NECTIN2: variants seen among roughly 807,000 people sequenced by gnomAD.
NECTIN2 encodes the protein nectin cell adhesion molecule 2, also known as nectin-2.
In NECTIN2, 23 loss-of-function variants were observed where a neutral mutation model predicts 56.9. The observed-to-expected ratio is 0.40, with a 90% CI of 0.29 to 0.57. NECTIN2 has a LOEUF of 0.57. Ranked by LOEUF, NECTIN2 falls within the 20% of genes least tolerant of loss-of-function variation. NECTIN2 has a pLI of 0.38. For synonymous variants in NECTIN2, 302 were observed against 313.8 expected (o/e 0.96, Z 0.40); for missense variants, 587 against 718.3 (o/e 0.82, Z 2.09).
Position 44,873,967 on chromosome 19 carries a change from G to T in NECTIN2, c.827G>T (p.Arg276Leu). The T allele has an allele frequency of 6.2e-7, 1 of 1,614,050 alleles. No homozygotes were observed. Among genetic ancestry groups the T allele is most frequent in the Non-Finnish European group, 8.5e-7 (1 of 1,180,008 alleles). ...SGYDDNWYLG[R>L]TDATLSCDVR... ...TATGATGACAACTGGTACCTCGGCC[G>T]TACTGATGCCACCCTGAGCTGTGAC... Residue 276 changes from arginine to leucine, a missense_variant, in exon 4 of 9, where the codon CGT becomes CTT. Physicochemically the swap from Arg to Leu is moderately radical, Grantham distance 102. Coordinates refer to ENST00000252483, the MANE Select transcript of NECTIN2 (RefSeq NM_001042724.2).
chr19:44,888,466 G>C lies in NECTIN2; in HGVS notation c.*87G>C. 1 of 1,425,084 alleles carries C rather than the reference G, an allele frequency of 7.0e-7. No individual in the cohort carries two copies. Among genetic ancestry groups the C allele is most frequent in the Middle Eastern group, 2.1e-4 (1 of 4,702 alleles). 88.3% of individuals were successfully genotyped at this position (1,425,084 alleles called of 1,614,324 possible). A position where few individuals can be genotyped will look rare whatever the true frequency, so the allele number is the denominator to read the frequency against. Reference sequence around the variant, plus strand: ...TCTAGTGCCCCCTGACCTCTGGCCAGGCCACTGTCAGTTAACACATATGCA... The same window carrying C: ...TCTAGTGCCCCCTGACCTCTGGCCACGCCACTGTCAGTTAACACATATGCA... On this transcript the variant is annotated 3_prime_UTR_variant, in exon 9 of 9. Coordinates refer to ENST00000252483, the MANE Select transcript of NECTIN2 (RefSeq NM_001042724.2).
chr19:44,857,750 C>T (rs1223265010), intron 1 of NECTIN2, among the ~76,000 whole-genome samples: 2 of 142,136 alleles, frequency 1.4e-5, no homozygotes, highest in African/African-American at 5.3e-5. Flanking sequence ...ACTATATTGT[C>T]CAGGCTGGTC....
intron 1 of NECTIN2, among the ~76,000 whole-genome samples, chr19:44,847,763 G>T (rs1043905476): frequency 4.6e-5 from 7 of 152,270 alleles, no homozygotes; most frequent in African/African-American, 1.7e-4. Context: ...CGGACTCCCC[G>T]GTTTCGGGAC....
chr19:44,875,840 A>T lies in NECTIN2; in HGVS notation c.1042+1362A>T, dbSNP rs1568596902. Among the ~76,000 whole-genome samples, 1 of 152,196 alleles carries T rather than the reference A, an allele frequency of 6.6e-6. No homozygotes were observed. The highest frequency in any genetic ancestry group is 1.5e-5 in the Non-Finnish European group (1 of 68,036). ...ATCCAGATACAGCCAGGGAGATAGGACACCCCTACGGGAAACACTGTCACA... is the reference window on the plus strand; with the variant it reads ...ATCCAGATACAGCCAGGGAGATAGGTCACCCCTACGGGAAACACTGTCACA... On this transcript the variant is annotated intron_variant, in intron 5 of 8. Transcript: ENST00000252483. The surrounding 1 kb of genome is among the most constrained non-coding windows in gnomAD (Gnocchi z 4.2).
intron 1 of NECTIN2, among the ~76,000 whole-genome samples, chr19:44,862,785 C>T (rs1224471807): frequency 6.6e-6 from 1 of 152,068 alleles, no homozygotes; most frequent in East Asian, 1.9e-4. Flanking sequence ...GAGGCCGACA[C>T]GGGTGGATCA....
rs975142847 is a variant in NECTIN2, at chr19:44,874,765, G to A, written c.1042+287G>A. 1.1e-5 allele frequency: 4 copies of A among 360,052 alleles called. No homozygotes were observed. The highest frequency in any genetic ancestry group is 1.1e-4 in the South Asian group (3 of 27,628). The allele number at this position is 360,052 out of a possible 1,614,324, so 22.3% of individuals were successfully genotyped here. A position where few individuals can be genotyped will look rare whatever the true frequency, so the allele number is the denominator to read the frequency against. ...GGGTAGGGTCCTCACGAATAGACCC[G>A]AGGAAGCTGCCCTGGGCTCCAGCTC... On this transcript the variant is annotated intron_variant, in intron 5 of 8. Transcript: ENST00000252483. The surrounding 1 kb of genome is among the most constrained non-coding windows in gnomAD (Gnocchi z 6.3).
At position 44,846,382 on chromosome 19, in the gene NECTIN2, G is replaced by A. The variant is rs1968833448; in HGVS notation, c.-144G>A. 8.3e-6 allele frequency: 9 copies of A among 1,085,936 alleles called. No individual in the cohort carries two copies. The highest frequency in any genetic ancestry group is 4.0e-5 in the Admixed American group (1 of 25,030). The allele number at this position is 1,085,936 out of a possible 1,614,324, so 67.3% of individuals were successfully genotyped here. A position where few individuals can be genotyped will look rare whatever the true frequency, so the allele number is the denominator to read the frequency against. On this transcript the variant is annotated 5_prime_UTR_variant, in exon 1 of 9. Transcript: ENST00000252483. ...CGGGGAGAGCTGGGCCGGGAGAGCAGAACAGGGAGGCTAGAGCGCAGCGGG... is the reference window on the plus strand; with the variant it reads ...CGGGGAGAGCTGGGCCGGGAGAGCAAAACAGGGAGGCTAGAGCGCAGCGGG...
chr19:44,885,475 C>T (rs1969351053), intron 6 of NECTIN2, among the ~76,000 whole-genome samples: 1 of 151,758 alleles, frequency 6.6e-6, no homozygotes, highest in Admixed American at 6.6e-5. Context: ...TCATGCCCAG[C>T]TAATTTTTGT....
At chr19:44,866,322 T>C (rs1277964271) in intron 2 of NECTIN2, among the ~76,000 whole-genome samples, 1 of 151,932 alleles carries the variant, frequency 6.6e-6, no homozygotes, top group Non-Finnish European at 1.5e-5. Flanking sequence ...GGAGGATCGC[T>C]TGAGACCAGG....
intron 1 of NECTIN2, among the ~76,000 whole-genome samples, chr19:44,846,904 C>T (rs1414310429): frequency 6.6e-6 from 1 of 151,884 alleles, no homozygotes; most frequent in Non-Finnish European, 1.5e-5. Flanking sequence ...CGGATTCCCG[C>T]GCCGAAAGGG....
At chr19:44,867,556 T>C (rs529526601) in intron 2 of NECTIN2, among the ~76,000 whole-genome samples, 16 of 152,154 alleles carry the variant, frequency 1.1e-4, no homozygotes, top group African/African-American at 3.9e-4. Flanking sequence ...AGTGGCCTCA[T>C]TGAGATAGGA....
Position 44,846,461 on chromosome 19 carries a change from C to A in NECTIN2, c.-65C>A. ...CACAGGCACCTACTAAACCGCCCAGCCGATCGGCCCCCACAGAGTGGCCCG... is the reference window on the plus strand; with the variant it reads ...CACAGGCACCTACTAAACCGCCCAGACGATCGGCCCCCACAGAGTGGCCCG... On this transcript the variant is annotated 5_prime_UTR_variant, in exon 1 of 9. Transcript: ENST00000252483. 7.2e-7 allele frequency: 1 copy of A among 1,396,126 alleles called. No individual in the cohort carries two copies. Among genetic ancestry groups the A allele is most frequent in the Admixed American group, 3.4e-5 (1 of 29,494 alleles). The allele number at this position is 1,396,126 out of a possible 1,614,324, so 86.5% of individuals were successfully genotyped here. A position where few individuals can be genotyped will look rare whatever the true frequency, so the allele number is the denominator to read the frequency against.
chr19:44,856,584 C>A (rs542697080), intron 1 of NECTIN2, among the ~76,000 whole-genome samples: 1 of 152,188 alleles, frequency 6.6e-6, no homozygotes, highest in African/African-American at 2.4e-5. Flanking sequence ...CTTTCCTTGA[C>A]CCTCATTGAG....
In NECTIN2 at chr19:44,874,390, A is replaced by G. The variant is rs1969212601; in HGVS notation, c.954A>G (p.Ala318=). ...VAQGSQLVIH[A]VDSLFNTTFV... Reference sequence around the variant, plus strand: ...AGGGCTCCCAGCTGGTCATCCACGCAGTGGACAGTCTGTTCAATACCACCT... The same window carrying G: ...AGGGCTCCCAGCTGGTCATCCACGCGGTGGACAGTCTGTTCAATACCACCT... Residue 318 remains alanine, a synonymous_variant, in exon 5 of 9, where the codon GCA becomes GCG. Transcript: ENST00000252483. The surrounding 1 kb of genome is among the most constrained non-coding windows in gnomAD (Gnocchi z 6.3). The G allele has an allele frequency of 6.2e-7, 1 of 1,614,092 alleles. No homozygotes were observed. The highest frequency in any genetic ancestry group is 8.5e-7 in the Non-Finnish European group (1 of 1,179,970).
intron 8 of NECTIN2, 113 bp downstream of exon 8, chr19:44,886,332 T>A: frequency 1.2e-6 from 1 of 829,692 alleles, no homozygotes; most frequent in Non-Finnish European, 1.9e-6. Context: ...GTCAAGGGTG[T>A]GTCCCCGGTT....
chr19:44,881,959 C>A, intron 5 of NECTIN2: 1 of 345,604 alleles, frequency 2.9e-6, no homozygotes. Flanking sequence ...TGTTGTTCTC[C>A]CTGCCCAACC....
chr19:44,865,637 G>T lies in NECTIN2; in HGVS notation c.455G>T (p.Gly152Val), dbSNP rs1969092260. The T allele has an allele frequency of 1.3e-6, 2 of 1,533,682 alleles. No individual in the cohort carries two copies. Among genetic ancestry groups the T allele is most frequent in the Non-Finnish European group, 1.7e-6 (2 of 1,144,302 alleles). ...ACCTTCCCCAAGGGGTCCGTCCGAG[G>T]GATGACCTGGCTCAGAGTCATAGGT... ...FATFPKGSVRGMTWLRVIAKP... is the reference protein window; with the variant it reads ...FATFPKGSVRVMTWLRVIAKP... The change falls in exon 2 of 9, where the codon GGG (glycine) becomes GTG (valine). Residue 152 changes from glycine to valine, a missense_variant. By Grantham distance (109) the Gly-to-Val change is moderately radical (BLOSUM62 -3). Coordinates refer to ENST00000252483, the MANE Select transcript of NECTIN2 (RefSeq NM_001042724.2). This position sits in a 1 kb window ranked among gnomAD's most constrained non-coding sequence, Gnocchi z 5.2.
In NECTIN2 at chr19:44,861,282, G is replaced by A. The variant is rs115249665; in HGVS notation, c.89-3989G>A. Among the ~76,000 whole-genome samples the A allele has an allele frequency of 4.8e-3, 738 of 152,308 alleles. 6 individuals carry two copies. The highest frequency in any genetic ancestry group is 0.017 in the African/African-American group (702 of 41,580). On this transcript the variant is annotated intron_variant, in intron 1 of 8. Transcript: ENST00000252483. ...AAAAATAGAACTACCATTTGGTCCA[G>A]TATTCCACTGAGTATCCTCCCAAAG...
At chr19:44,887,985 GGAGT>G in intron 8 of NECTIN2, 121 bp from the exon 9 acceptor site, 1 of 1,026,398 alleles carries the variant, frequency 9.7e-7, no homozygotes, top group Non-Finnish European at 1.4e-6. Context: ...CAGGGGACAA[GGAGT>G]GAGGTGGCAT....
Sources: allele counts gnomAD v4.1 joint callset (sites outside exome capture counted in the v4.1 genomes callset), GRCh38; gene constraint gnomAD v4.1.1; non-coding constraint Gnocchi (gnomAD v3.1); transcripts MANE v1.5; gene names NCBI Gene and HGNC (gene_info 2026-07-23, HGNC 2026-07-21).